Variants in ADGRB3 observed in about 807,000 individuals in gnomAD.
ADGRB3 encodes brain-specific angiogenesis inhibitor 3.
In ADGRB3, 37 loss-of-function variants were observed where a neutral mutation model predicts 193.4. The observed-to-expected ratio is 0.19, with a 90% CI of 0.15 to 0.25. The LOEUF is 0.25. ADGRB3 is among the 10% of genes least tolerant of loss of function. ADGRB3 has a pLI of 1.00. For synonymous variants in ADGRB3, 690 were observed against 644.2 expected (o/e 1.07, Z -1.08); for missense variants, 1,637 against 1,852.9 (o/e 0.88, Z 2.14).
At chr6:68,968,525 A>G (rs958845101) in intron 8 of ADGRB3, among the ~76,000 whole-genome samples, 3 of 152,238 alleles carry the variant, frequency 2.0e-5, no homozygotes, top group African/African-American at 4.8e-5. Flanking sequence ...TTTGAATTTC[A>G]AAGCATTGAA....
chr6:69,066,069 G>T, intron 16 of ADGRB3, among the ~76,000 whole-genome samples: 1 of 151,590 alleles, frequency 6.6e-6, no homozygotes, highest in East Asian at 1.9e-4. Flanking sequence ...CATGGATTTT[G>T]GTATCTGCAA....
chr6:68,973,355 C>G (rs1768643194), intron 8 of ADGRB3, among the ~76,000 whole-genome samples: 1 of 152,158 alleles, frequency 6.6e-6, no homozygotes, highest in Non-Finnish European at 1.5e-5. Context: ...CCCATGTGTT[C>G]AAACCATTCA....
At chr6:68,933,458 TG>T (rs1344837586) in intron 4 of ADGRB3, among the ~76,000 whole-genome samples, 1 of 152,126 alleles carries the variant, frequency 6.6e-6, no homozygotes, top group Non-Finnish European at 1.5e-5. Context: ...CTGGGTGTGG[TG>T]GCGCACACCT....
intron 17 of ADGRB3, among the ~76,000 whole-genome samples, chr6:69,138,160 T>C (rs1436385184): frequency 6.6e-6 from 1 of 152,228 alleles, no homozygotes; most frequent in African/African-American, 2.4e-5. Flanking sequence ...GCCTGGAATA[T>C]ATGGCTTACT....
At chr6:68,726,114 T>G (rs1302707558) in intron 3 of ADGRB3, among the ~76,000 whole-genome samples, 1 of 151,688 alleles carries the variant, frequency 6.6e-6, no homozygotes, top group Non-Finnish European at 1.5e-5. Flanking sequence ...GGTTACTGTT[T>G]ACTTTAAATT....
intron 3 of ADGRB3, among the ~76,000 whole-genome samples, chr6:68,905,255 A>G (rs1766509994): frequency 6.6e-6 from 1 of 152,174 alleles, no homozygotes; most frequent in Non-Finnish European, 1.5e-5. Context: ...TTCAGGGTAC[A>G]CATATAAGGT....
At chr6:68,928,313 G>T (rs1767241076) in intron 3 of ADGRB3, among the ~76,000 whole-genome samples, 1 of 152,092 alleles carries the variant, frequency 6.6e-6, no homozygotes, top group African/African-American at 2.4e-5. Context: ...ATCCCTTGAG[G>T]CCAGGAGTTT....
At chr6:68,816,898 A>C (rs985050611) in intron 3 of ADGRB3, among the ~76,000 whole-genome samples, 3 of 152,084 alleles carry the variant, frequency 2.0e-5, no homozygotes, top group African/African-American at 7.2e-5. Flanking sequence ...CACTAATCTA[A>C]TATAAATCTA....
chr6:68,740,104 T>C (rs185441702), intron 3 of ADGRB3, among the ~76,000 whole-genome samples: 8 of 152,324 alleles, frequency 5.3e-5, no homozygotes, highest in Non-Finnish European at 1.0e-4. Flanking sequence ...ATTAGGCTTA[T>C]ATAACATTTT....
intron 3 of ADGRB3, among the ~76,000 whole-genome samples, chr6:68,915,790 A>G (rs1319922385): frequency 1.3e-5 from 2 of 152,062 alleles, no homozygotes; most frequent in African/African-American, 2.4e-5. Context: ...TACCCAAGAA[A>G]AAAAACAAAC....
At chr6:69,284,017 AG>A (rs909598774) in intron 20 of ADGRB3, among the ~76,000 whole-genome samples, 9 of 152,296 alleles carry the variant, frequency 5.9e-5, no homozygotes, top group African/African-American at 9.6e-5. Context: ...ATTCCACAAA[AG>A]GGGCCCTGGA....
chr6:69,040,223 A>G lies in ADGRB3; in HGVS notation c.2108-7962A>G, dbSNP rs1275451734. On this transcript the variant is annotated intron_variant, in intron 13 of 31. Coordinates refer to ENST00000370598, the MANE Select transcript of ADGRB3 (RefSeq NM_001704.3). ...GTAGGCTTTTGTGATTCTTCTTCTT[A>G]TCAGGCATTTATGCATCAGAATCCT... Among the ~76,000 whole-genome samples the G allele has an allele frequency of 2.0e-5, 3 of 152,040 alleles. No homozygotes were observed. The East Asian group carries it at 5.8e-4, about 29-fold the overall frequency.
intron 3 of ADGRB3, among the ~76,000 whole-genome samples, chr6:68,641,063 A>G (rs762901648): frequency 4.6e-5 from 7 of 152,226 alleles, no homozygotes; most frequent in Non-Finnish European, 1.0e-4. Flanking sequence ...AAGAAGCTAC[A>G]GTACACACAA....
chr6:68,875,095 CTCCTTCCT>C (rs370383240), intron 3 of ADGRB3, among the ~76,000 whole-genome samples: 8 of 110,390 alleles, frequency 7.2e-5, no homozygotes, highest in Non-Finnish European at 1.4e-4. Flanking sequence ...TCATTTCTTT[CTCCTTCCT>C]TCCTTCCTTC....
At position 68,833,083 on chromosome 6, in the gene ADGRB3, G is replaced by A. The variant is rs563367916; in HGVS notation, c.758-97476G>A. ...TTTAAAAGACCTGTTCCTTTCAAAG[G>A]TTCATGATTTTAAACCAAAATAACC... On this transcript the variant is annotated intron_variant, in intron 3 of 31. Coordinates refer to ENST00000370598, the MANE Select transcript of ADGRB3 (RefSeq NM_001704.3). Among the ~76,000 whole-genome samples, 7 of 152,154 alleles carry A rather than the reference G, an allele frequency of 4.6e-5. No homozygotes were observed. The East Asian group carries it at 1.2e-3, about 25-fold the overall frequency.
chr6:69,382,988 T>A, intron 31 of ADGRB3, 53 bp downstream of exon 31: 1 of 1,262,472 alleles, frequency 7.9e-7, no homozygotes. Context: ...TGTCAGATAT[T>A]ATTCCTGCCT....
At chr6:69,210,276 T>C (rs1024423130) in intron 17 of ADGRB3, among the ~76,000 whole-genome samples, 1 of 150,110 alleles carries the variant, frequency 6.7e-6, no homozygotes, top group Admixed American at 6.7e-5. Flanking sequence ...ACTGAAGAAC[T>C]TGGAGTCTGA....
rs769858570 is a variant in ADGRB3, at chr6:69,239,162, T to C, written c.2750T>C (p.Phe917Ser). 1.9e-6 allele frequency: 3 copies of C among 1,605,078 alleles called. No homozygotes were observed. Among genetic ancestry groups the C allele is most frequent in the Non-Finnish European group, 2.6e-6 (3 of 1,172,516 alleles). Residue 917 changes from phenylalanine (F) to serine (S), a missense_variant, in exon 20 of 32, where the codon TTC (phenylalanine) becomes TCC (serine). Phe to Ser is a radical substitution (Grantham distance 155). Coordinates refer to ENST00000370598, the MANE Select transcript of ADGRB3 (RefSeq NM_001704.3). Reference protein sequence around the residue: ...RSERSIILINFCLSIISSNIL... With the variant: ...RSERSIILINSCLSIISSNIL... The stretch of plus-strand genomic sequence containing the variant: ...GAGAGATCCATAATACTAATTAACT[T>C]CTGCCTGTCTATCATCTCATCCAAT...
At position 69,332,041 on chromosome 6, in the gene ADGRB3, A is replaced by G. The variant is rs191315675; in HGVS notation, c.3103-882A>G. ...TCTTCATTGGCAGCAGGGCAGGGTT[A>G]CACCAAGATTGGAAAGAGGCCAGAA... On this transcript the variant is annotated intron_variant, in intron 23 of 31. Coordinates refer to ENST00000370598, the MANE Select transcript of ADGRB3 (RefSeq NM_001704.3). The G allele has an allele frequency of 3.5e-4, 341 of 985,404 alleles. 5 individuals carry two copies. The highest frequency in any genetic ancestry group is 5.5e-5 in the Non-Finnish European group (46 of 829,916). The allele number at this position is 985,404 out of a possible 1,614,324, so 61.0% of individuals were successfully genotyped here.
Sources: gnomAD v4.1 joint callset for allele counts (sites outside exome capture counted in the v4.1 genomes callset) on GRCh38, gnomAD v4.1.1 for gene constraint, MANE v1.5 for transcripts, NCBI Gene and HGNC (gene_info 2026-07-23, HGNC 2026-07-21) for gene names.